The following C1orf94 variants were observed in gnomAD, a reference collection of about 807,000 sequenced individuals.
C1orf94 encodes chromosome 1 open reading frame 94.
Under a neutral mutation model 53.6 loss-of-function variants are expected in C1orf94, and 45 were observed. The ratio of observed to expected loss-of-function variants is 0.84; its 90% CI spans 0.66 to 1.08. The LOEUF is 1.08. C1orf94 is among the 50% of genes least tolerant of loss of function. The pLI, the probability that C1orf94 is intolerant of heterozygous loss-of-function variation, is 0.00. For missense variants in C1orf94, 762 were observed against 738.9 expected (o/e 1.03, Z -0.36); for synonymous variants, 304 against 296.1 (o/e 1.03, Z -0.27).
At position 34,208,375 on chromosome 1, in the gene C1orf94, G is replaced by A. The variant is rs150575840; in HGVS notation, c.1524+141G>A. 6.3e-3 allele frequency: 4,972 copies of A among 794,500 alleles called. 24 individuals carry two copies. Among genetic ancestry groups the A allele is most frequent in the Non-Finnish European group, 6.9e-3 (3,409 of 494,420 alleles). 49.2% of individuals were successfully genotyped at this position (794,500 alleles called of 1,614,324 possible). A position where few individuals can be genotyped will look rare whatever the true frequency, so the allele number is the denominator to read the frequency against. The stretch of plus-strand genomic sequence containing the variant: ...GCTCTGGAGTACAGACTCACATACC[G>A]GCATGCGTGTGGAAAACACAAACCG... On this transcript the variant is annotated intron_variant, in intron 5 of 6. Coordinates refer to ENST00000488417, the MANE Select transcript of C1orf94 (RefSeq NM_001134734.2).
At position 34,197,576 on chromosome 1, in the gene C1orf94, C is replaced by G; in HGVS notation, c.672C>G (p.Asp224Glu). The change falls in exon 2 of 7, where the codon GAC (aspartate) becomes GAG (glutamate). Residue 224 changes from aspartate to glutamate, a missense_variant. Coordinates refer to ENST00000488417, the MANE Select transcript of C1orf94 (RefSeq NM_001134734.2). This position sits in a 1 kb window ranked among gnomAD's most constrained non-coding sequence, Gnocchi z 4.1. ...TCAAGAGCAGCAAGGGGACAGAGGA[C>G]AGGGGCCGCATCCTAGGTGACTCCA... ...AEVKSSKGTE[D>E]RGRILGDSNL... The G allele has an allele frequency of 6.2e-7, 1 of 1,614,108 alleles. No individual in the cohort carries two copies.
chr1:34,187,019 G>T (rs944496439), intron 1 of C1orf94, among the ~76,000 whole-genome samples: 1 of 152,070 alleles, frequency 6.6e-6, no homozygotes, highest in Admixed American at 6.6e-5. Flanking sequence ...CGAAGCAAGG[G>T]GTCACGGTCA....
intron 1 of C1orf94, 126 bp downstream of exon 1, chr1:34,178,235 C>T (rs983901929): frequency 9.7e-7 from 1 of 1,035,696 alleles, no homozygotes; most frequent in Non-Finnish European, 1.4e-6. Flanking sequence ...TTGCCCCCTC[C>T]ATGGTCCTTT....
At chr1:34,211,845 G>A (rs937999919) in intron 5 of C1orf94, among the ~76,000 whole-genome samples, 3 of 152,098 alleles carry the variant, frequency 2.0e-5, no homozygotes, top group Non-Finnish European at 2.9e-5. Flanking sequence ...TAAACAAGGA[G>A]CTTTTGAGAT....
chr1:34,202,346 A>G, intron 4 of C1orf94, 87 bp downstream of exon 4: 3 of 1,432,662 alleles, frequency 2.1e-6, no homozygotes, highest in Non-Finnish European at 1.9e-6. Flanking sequence ...TCTATTTCAC[A>G]GAGTCTTTAG....
chr1:34,172,671 C>T (rs1167727969), upstream of C1orf94, among the ~76,000 whole-genome samples: 1 of 152,170 alleles, frequency 6.6e-6, no homozygotes, highest in Admixed American at 6.5e-5. Context: ...CAGAGATCAC[C>T]GATGGTGTTG....
At chr1:34,190,159 A>G (rs1027671109) in intron 1 of C1orf94, among the ~76,000 whole-genome samples, 1 of 152,156 alleles carries the variant, frequency 6.6e-6, no homozygotes, top group Non-Finnish European at 1.5e-5. Context: ...GGTGGGGACA[A>G]GTGCCACCTG....
rs764984501 is a variant in C1orf94 at position 34,208,209 on chromosome 1, C to T, written c.1499C>T (p.Pro500Leu). Residue 500 changes from proline to leucine, a missense_variant, in exon 5 of 7, where the codon CCG becomes CTG. By Grantham distance (98) the Pro-to-Leu change is moderately conservative (BLOSUM62 -3). Transcript: ENST00000488417. Reference sequence around the variant, plus strand: ...ATGCCCTATCAGCAGGCTTTGCACCCGCAGCTGGGATGTTACTCCCAACAG... The same window carrying T: ...ATGCCCTATCAGCAGGCTTTGCACCTGCAGCTGGGATGTTACTCCCAACAG... ...ARMPYQQALH[P>L]QLGCYSQQVM... The T allele has an allele frequency of 3.7e-6, 6 of 1,613,948 alleles. No individual in the cohort carries two copies. The highest frequency in any genetic ancestry group is 4.5e-5 in the East Asian group (2 of 44,882).
At chr1:34,192,822 G>A (rs1391246783) in intron 1 of C1orf94, among the ~76,000 whole-genome samples, 1 of 152,186 alleles carries the variant, frequency 6.6e-6, no homozygotes, top group Non-Finnish European at 1.5e-5. Flanking sequence ...CATTCCATAG[G>A]AAGTGCAAAG....
chr1:34,175,657 G>A (rs1197741657), upstream of C1orf94, among the ~76,000 whole-genome samples: 1 of 152,018 alleles, frequency 6.6e-6, no homozygotes, highest in Non-Finnish European at 1.5e-5. Flanking sequence ...TGTATACCAG[G>A]CACTTTACAT....
chr1:34,179,436 C>A (rs1642280346), intron 1 of C1orf94, among the ~76,000 whole-genome samples: 1 of 152,258 alleles, frequency 6.6e-6, no homozygotes, highest in African/African-American at 2.4e-5. Context: ...CTTTGTGGAC[C>A]AAGGGTCAGT....
At chr1:34,208,025 C>T in intron 4 of C1orf94, 132 bp from the exon 5 acceptor site, 1 of 831,548 alleles carries the variant, frequency 1.2e-6, no homozygotes, top group Non-Finnish European at 1.9e-6. Context: ...CAGCTGGCCT[C>T]AGACAGCCCA....
chr1:34,188,674 C>G (rs557475663), intron 1 of C1orf94, among the ~76,000 whole-genome samples: 1 of 152,172 alleles, frequency 6.6e-6, no homozygotes, highest in Non-Finnish European at 1.5e-5. Flanking sequence ...TACAATTTAC[C>G]GAGTGCTTTC....
chr1:34,201,121 G>A (rs1353401550), intron 3 of C1orf94, 89 bp downstream of exon 3: 1 of 1,496,170 alleles, frequency 6.7e-7, no homozygotes, highest in East Asian at 2.5e-5. Flanking sequence ...CCAAGTGGCT[G>A]TCTTATCTAC....
chr1:34,185,686 C>G lies in C1orf94; in HGVS notation c.320+7577C>G, dbSNP rs532533440. On this transcript the variant is annotated intron_variant, in intron 1 of 6. Transcript: ENST00000488417. Reference sequence around the variant, plus strand: ...GCTCGTCTCTCCTCTGCCACCCTCACCACATCTCTTCTCACTGCATTGGGT... The same window carrying G: ...GCTCGTCTCTCCTCTGCCACCCTCAGCACATCTCTTCTCACTGCATTGGGT... 1.8e-4 allele frequency among the ~76,000 whole-genome samples: 28 copies of G among 152,346 alleles called. 1 individual carries two copies. Among genetic ancestry groups the G allele is most frequent in the African/African-American group, 6.7e-4 (28 of 41,586 alleles).
Position 34,200,931 on chromosome 1 carries a change from C to A in C1orf94, c.1169C>A (p.Ala390Asp), listed in dbSNP as rs1467052188. ...CCGCCCAAGAAACCTACATGTCCAGCCGAGAAGAACTTGCTCTATGAGTTC... is the reference window on the plus strand; with the variant it reads ...CCGCCCAAGAAACCTACATGTCCAGACGAGAAGAACTTGCTCTATGAGTTC... ...TLPPKKPTCP[A>D]EKNLLYEFLG... The change falls in exon 3 of 7, where the codon GCC becomes GAC. Residue 390 changes from alanine (A) to aspartate (D), a missense_variant. Coordinates refer to ENST00000488417, the MANE Select transcript of C1orf94 (RefSeq NM_001134734.2). 1 of 1,614,030 alleles carries A rather than the reference C, an allele frequency of 6.2e-7. No individual in the cohort carries two copies. Among genetic ancestry groups the A allele is most frequent in the African/African-American group, 1.3e-5 (1 of 74,916 alleles).
intron 5 of C1orf94, among the ~76,000 whole-genome samples, chr1:34,209,217 T>A: frequency 1.3e-5 from 2 of 151,666 alleles, no homozygotes; most frequent in Non-Finnish European, 2.9e-5. Context: ...TGACCATGCT[T>A]TACTACATCT....
At chr1:34,170,259 AAAG>A (rs1339954101) in intron 1 of C1orf94, among the ~76,000 whole-genome samples, 1 of 152,194 alleles carries the variant, frequency 6.6e-6, no homozygotes, top group Non-Finnish European at 1.5e-5. Context: ...AAACAAATAT[AAAG>A]AAGAATAAGA....
In C1orf94 at chr1:34,197,406, G is replaced by T. The variant is rs2148617636; in HGVS notation, c.502G>T (p.Ala168Ser). ...CTGCATTCTTGCCCCTCCTCTAGTG[G>T]CAGGCAGTAATGAGCGCCCCAGAGC... ...APCILAPPLV[A>S]GSNERPRASI... Residue 168 changes from alanine (A) to serine (S), a missense_variant, in exon 2 of 7, where the codon GCA becomes TCA. Transcript: ENST00000488417. This position sits in a 1 kb window ranked among gnomAD's most constrained non-coding sequence, Gnocchi z 4.1. 6.2e-7 allele frequency: 1 copy of T among 1,613,872 alleles called. No individual in the cohort carries two copies. The highest frequency in any genetic ancestry group is 8.5e-7 in the Non-Finnish European group (1 of 1,179,824).
Sources: gnomAD v4.1 joint callset for allele counts (sites outside exome capture counted in the v4.1 genomes callset) on GRCh38, gnomAD v4.1.1 for gene constraint, Gnocchi (gnomAD v3.1) non-coding constraint, MANE v1.5 for transcripts, NCBI Gene and HGNC (gene_info 2026-07-23, HGNC 2026-07-21) for gene names.